The following SLFNL1 variants were observed in gnomAD, a reference collection of about 807,000 sequenced individuals.
SLFNL1 encodes the protein schlafen-like protein 1.
SLFNL1 carries 26 observed loss-of-function variants against 32.5 expected under a neutral mutation model. The ratio of observed to expected loss-of-function variants is 0.80; its 90% CI spans 0.59 to 1.11. The LOEUF (loss-of-function observed/expected upper bound fraction) is 1.11. Among genes scored for constraint, SLFNL1 ranks in the 50% least tolerant of loss-of-function variants. The probability of loss-of-function intolerance (pLI) is 0.00; values close to 1 mark genes in which losing one functional copy is unlikely to be tolerated. For synonymous variants in SLFNL1, 255 were observed against 242.2 expected (o/e 1.05, Z -0.49); for missense variants, 553 against 546.5 (o/e 1.01, Z -0.12).
rs202019276 is a variant in SLFNL1 at position 41,020,642 on chromosome 1, A to T, written c.19T>A (p.Ser7Thr). ...GGCTCTGACACCTGTGTTTGCACTG[A>T]TCTCTTCATGGGGGTCATGGGAAGG... is the stretch of plus-strand genomic sequence containing the variant. MTPMKRSVQTQVSEPFM... is the reference protein window; with the variant it reads MTPMKRTVQTQVSEPFM... Residue 7 changes from serine (S) to threonine (T), a missense_variant, in exon 3 of 6, where the codon TCA becomes ACA. Ser to Thr is a moderately conservative substitution (Grantham distance 58). Coordinates refer to ENST00000302946, the MANE Select transcript of SLFNL1 (RefSeq NM_144990.4). The T allele has an allele frequency of 1.1e-5, 18 of 1,611,204 alleles. No individual in the cohort carries two copies. The African/African-American group carries it at 1.6e-4, about 14-fold the overall frequency.
In SLFNL1 at chr1:41,017,590, A is replaced by G; in HGVS notation, c.957+45T>C. 1 of 1,510,564 alleles carries G rather than the reference A, an allele frequency of 6.6e-7. No homozygotes were observed. The highest frequency in any genetic ancestry group is 8.9e-7 in the Non-Finnish European group (1 of 1,129,914). 93.6% of individuals were successfully genotyped at this position (1,510,564 alleles called of 1,614,324 possible). A position where few individuals can be genotyped will look rare whatever the true frequency, so the allele number is the denominator to read the frequency against. ...GTGCAGGCCATCGTCTTACTGAGTGATGACAGATGACAGGCCCAGAGGCCC... is the reference window on the plus strand; with the variant it reads ...GTGCAGGCCATCGTCTTACTGAGTGGTGACAGATGACAGGCCCAGAGGCCC... On this transcript the variant is annotated intron_variant, in intron 4 of 5. Transcript: ENST00000302946. The surrounding 1 kb of genome is among the most constrained non-coding windows in gnomAD (Gnocchi z 4.9).
At chr1:41,018,828 G>GTTTTTTTTTTT (rs34061852) in intron 3 of SLFNL1, among the ~76,000 whole-genome samples, 1 of 60,644 alleles carries the variant, frequency 1.6e-5, no homozygotes, top group Non-Finnish European at 2.9e-5. Context: ...CAACCCTCCT[G>GTTTTTTTTTTT]TTTTTTTTTT....
In SLFNL1 at chr1:41,020,263, A is replaced by G; in HGVS notation, c.398T>C (p.Leu133Pro). The G allele has an allele frequency of 6.2e-7, 1 of 1,610,506 alleles. No homozygotes were observed. The highest frequency in any genetic ancestry group is 8.5e-7 in the Non-Finnish European group (1 of 1,178,224). The change falls in exon 3 of 6, where the codon CTA becomes CCA. Residue 133 changes from leucine to proline, a missense_variant. Physicochemically the swap from Leu to Pro is moderately conservative, Grantham distance 98. Transcript: ENST00000302946. ...KELAARGKDL[L>P]LSEAQGPFSH... ...GAAGGGCCCTTGGGCCTCACTCAAT[A>G]GCAGGTCCTTCCCACGGGCTGCCAG...
intron 5 of SLFNL1, chr1:41,016,538 T>TG (rs1235602920): frequency 6.1e-6 from 2 of 326,932 alleles, no homozygotes; most frequent in East Asian, 1.5e-4. Flanking sequence ...GACTGTGTCT[T>TG]GCCCCCTCTG....
chr1:41,017,737 C>A lies in SLFNL1; in HGVS notation c.855G>T (p.Val285=), dbSNP rs1016489188. 5.0e-6 allele frequency: 8 copies of A among 1,605,730 alleles called. No homozygotes were observed. Among genetic ancestry groups the A allele is most frequent in the Non-Finnish European group, 6.8e-6 (8 of 1,174,730 alleles). ...HRDEDRARLL[V]DSILQGFKPQ... The stretch of plus-strand genomic sequence containing the variant: ...GCTTGAAGCCCTGCAGGATGGAGTC[C>A]ACCAGCAGGCGTGCGCGGTCCTCGT... Residue 285 remains valine (V), a synonymous_variant, in exon 4 of 6, where the codon GTG becomes GTT. Transcript: ENST00000302946. The surrounding 1 kb of genome is among the most constrained non-coding windows in gnomAD (Gnocchi z 4.9).
rs1265347245 is a variant in SLFNL1 at position 41,017,224 on chromosome 1, G to C, written c.1101+10C>G. ...CGCTCCACCCCACCCACTGGCCTCA[G>C]CTTCCGTACCTGCCTGCACCACTCC... is the stretch of plus-strand genomic sequence containing the variant. On this transcript the variant is annotated intron_variant, in intron 5 of 5. Transcript: ENST00000302946. This position sits in a 1 kb window ranked among gnomAD's most constrained non-coding sequence, Gnocchi z 4.9. 1 of 1,552,124 alleles carries C rather than the reference G, an allele frequency of 6.4e-7. No homozygotes were observed. The highest frequency in any genetic ancestry group is 8.7e-7 in the Non-Finnish European group (1 of 1,152,078).
At position 41,017,217 on chromosome 1, in the gene SLFNL1, G is replaced by C; in HGVS notation, c.1101+17C>G. ...TCAGCTCCGCTCCACCCCACCCACT[G>C]GCCTCAGCTTCCGTACCTGCCTGCA... On this transcript the variant is annotated intron_variant, in intron 5 of 5. Coordinates refer to ENST00000302946, the MANE Select transcript of SLFNL1 (RefSeq NM_144990.4). The surrounding 1 kb of genome is among the most constrained non-coding windows in gnomAD (Gnocchi z 4.9). 1 of 1,544,418 alleles carries C rather than the reference G, an allele frequency of 6.5e-7. No homozygotes were observed.
chr1:41,016,625 C>T (rs1643350367), intron 5 of SLFNL1: 1 of 177,150 alleles, frequency 5.6e-6, no homozygotes. Context: ...TCCAGTCTCT[C>T]TGCTCCCTCA....
At position 41,017,362 on chromosome 1, in the gene SLFNL1, C is replaced by T. The variant is rs753023630; in HGVS notation, c.973G>A (p.Val325Met). Residue 325 changes from valine to methionine, a missense_variant, in exon 5 of 6, where the codon GTG (valine) becomes ATG (methionine). Physicochemically the swap from Val to Met is conservative, Grantham distance 21 (BLOSUM62 1). Transcript: ENST00000302946. This position sits in a 1 kb window ranked among gnomAD's most constrained non-coding sequence, Gnocchi z 4.9. ...TGGCTCTGGGCCTTGGGGGTGTGCA[C>T]GGTCAGGCGGATCACCTTGGTAGGG... ...SVPLKVIRLTVHTPKAQSQPQ... is the reference protein window; with the variant it reads ...SVPLKVIRLTMHTPKAQSQPQ... The T allele has an allele frequency of 1.7e-5, 28 of 1,613,148 alleles. No individual in the cohort carries two copies. Among genetic ancestry groups the T allele is most frequent in the Middle Eastern group, 3.4e-4 (2 of 5,952 alleles).
Position 41,020,446 on chromosome 1 carries a change from T to C in SLFNL1, c.215A>G (p.Glu72Gly). Residue 72 changes from glutamate to glycine, a missense_variant, in exon 3 of 6, where the codon GAG becomes GGG. Coordinates refer to ENST00000302946, the MANE Select transcript of SLFNL1 (RefSeq NM_144990.4). ...CCGCGCCACCGGCATCTCCAGCCGC[T>C]CCAGGGTGTCTCGCAGCAGGCAGGC... The part of the protein sequence containing the change: ...VLACLLRDTL[E>G]RLEMPVAREH... The C allele has an allele frequency of 1.2e-6, 2 of 1,613,268 alleles. No individual in the cohort carries two copies. Among genetic ancestry groups the C allele is most frequent in the South Asian group, 2.2e-5 (2 of 91,082 alleles).
At position 41,020,375 on chromosome 1, in the gene SLFNL1, C is replaced by A. The variant is rs372330365; in HGVS notation, c.286G>T (p.Val96Leu). The A allele has an allele frequency of 6.8e-6, 11 of 1,613,318 alleles. No homozygotes were observed. Among genetic ancestry groups the A allele is most frequent in the African/African-American group, 1.3e-5 (1 of 74,938 alleles). ...GTGTCCCTGTGGACAGTCACCTGCA[C>A]CAGTGCATAGGCCTTCCGCGGCCGC... ...VRRPRKAYAL[V>L]QVTVHRDTLA... is the part of the protein sequence containing the mutation. The change falls in exon 3 of 6, where the codon GTG becomes TTG. Residue 96 changes from valine (V) to leucine (L), a missense_variant. Coordinates refer to ENST00000302946, the MANE Select transcript of SLFNL1 (RefSeq NM_144990.4).
rs772548265 is a variant in SLFNL1, at chr1:41,017,202, T to C, written c.1101+32A>G. 11 of 1,530,880 alleles carry C rather than the reference T, an allele frequency of 7.2e-6. No homozygotes were observed. Among genetic ancestry groups the C allele is most frequent in the African/African-American group, 1.4e-5 (1 of 72,912 alleles). 94.8% of individuals were successfully genotyped at this position (1,530,880 alleles called of 1,614,324 possible). A position where few individuals can be genotyped will look rare whatever the true frequency, so the allele number is the denominator to read the frequency against. On this transcript the variant is annotated intron_variant, in intron 5 of 5. Coordinates refer to ENST00000302946, the MANE Select transcript of SLFNL1 (RefSeq NM_144990.4). This position sits in a 1 kb window ranked among gnomAD's most constrained non-coding sequence, Gnocchi z 4.9. ...TGAAGGGGTCTGGGGTCAGCTCCGC[T>C]CCACCCCACCCACTGGCCTCAGCTT...
rs1244113171 is a variant in SLFNL1, at chr1:41,020,372, G to A, written c.289C>T (p.Gln97Ter). 4 of 1,613,304 alleles carry A rather than the reference G, an allele frequency of 2.5e-6. No individual in the cohort carries two copies. The South Asian group carries it at 4.4e-5, about 18-fold the overall frequency. ...RRPRKAYALV[Q>*]VTVHRDTLAS... ...AGGGTGTCCCTGTGGACAGTCACCT[G>A]CACCAGTGCATAGGCCTTCCGCGGC... The change falls in exon 3 of 6, where the codon CAG (glutamine) becomes TAG (stop). Residue 97 changes from glutamine (Q) to a stop codon, truncating the protein, a stop_gained. Transcript: ENST00000302946. LOFTEE classifies it high-confidence loss of function.
At position 41,017,691 on chromosome 1, in the gene SLFNL1, A is replaced by G. The variant is rs1357127594; in HGVS notation, c.901T>C (p.Tyr301His). The change falls in exon 4 of 6, where the codon TAC becomes CAC. Residue 301 changes from tyrosine (Y) to histidine (H), a missense_variant. Coordinates refer to ENST00000302946, the MANE Select transcript of SLFNL1 (RefSeq NM_144990.4). The surrounding 1 kb of genome is among the most constrained non-coding windows in gnomAD (Gnocchi z 4.9). ...ATCACAGGGATGAAGGTGAGAGTGT[A>G]GGCATCGGGAAAGATCTGAGGCTTG... ...GFKPQIFPDAYTLTFIPVIST... is the reference protein window; with the variant it reads ...GFKPQIFPDAHTLTFIPVIST... 7.6e-6 allele frequency: 12 copies of G among 1,575,380 alleles called. No homozygotes were observed. Among genetic ancestry groups the G allele is most frequent in the Non-Finnish European group, 1.0e-5 (12 of 1,157,310 alleles).
intron 3 of SLFNL1, among the ~76,000 whole-genome samples, chr1:41,019,729 C>T (rs1170904050): frequency 6.6e-6 from 1 of 152,234 alleles, no homozygotes; most frequent in Admixed American, 6.5e-5. Flanking sequence ...GGCAAACCTT[C>T]CTGTCTTCTC....
rs748531825 is a variant in SLFNL1 at position 41,020,346 on chromosome 1, C to T, written c.315G>A (p.Leu105=). ...TCTGCAGGCGCCAGGGGAGGGAGGCCAGGGTGTCCCTGTGGACAGTCACCT... is the reference window on the plus strand; with the variant it reads ...TCTGCAGGCGCCAGGGGAGGGAGGCTAGGGTGTCCCTGTGGACAGTCACCT... ...LVQVTVHRDT[L]ASLPWRLQTA... The change falls in exon 3 of 6, where the codon CTG becomes CTA. Residue 105 remains leucine (L), a synonymous_variant. Transcript: ENST00000302946. The T allele has an allele frequency of 3.1e-6, 5 of 1,613,544 alleles. No individual in the cohort carries two copies. Among genetic ancestry groups the T allele is most frequent in the Middle Eastern group, 1.7e-4 (1 of 6,050 alleles).
In SLFNL1 at chr1:41,017,087, T is replaced by A; in HGVS notation, c.1101+147A>T. On this transcript the variant is annotated intron_variant, in intron 5 of 5. Coordinates refer to ENST00000302946, the MANE Select transcript of SLFNL1 (RefSeq NM_144990.4). This position sits in a 1 kb window ranked among gnomAD's most constrained non-coding sequence, Gnocchi z 4.9. ...CCTACCCGCGGAGTATGGGATGTGG[T>A]GTGATTGTATTCCAACCCCTTGGGT... 1 of 946,514 alleles carries A rather than the reference T, an allele frequency of 1.1e-6. No individual in the cohort carries two copies. Among genetic ancestry groups the A allele is most frequent in the Non-Finnish European group, 1.5e-6 (1 of 659,014 alleles). The allele number at this position is 946,514 out of a possible 1,614,324, so 58.6% of individuals were successfully genotyped here.
chr1:41,016,354 G>A lies in SLFNL1; in HGVS notation c.1102-126C>T. On this transcript the variant is annotated intron_variant, in intron 5 of 5. Transcript: ENST00000302946. ...AGCCTGAGAGCTTTCTCAGCTAGGGGAAAAGTCAGGCCCCTCGGCCTGCTG... is the reference window on the plus strand; with the variant it reads ...AGCCTGAGAGCTTTCTCAGCTAGGGAAAAAGTCAGGCCCCTCGGCCTGCTG... The A allele has an allele frequency of 2.1e-6, 3 of 1,430,182 alleles. No individual in the cohort carries two copies. The East Asian group carries it at 7.2e-5, about 34-fold the overall frequency. 88.6% of individuals were successfully genotyped at this position (1,430,182 alleles called of 1,614,324 possible). A position where few individuals can be genotyped will look rare whatever the true frequency, so the allele number is the denominator to read the frequency against.
At chr1:41,018,453 T>G in intron 3 of SLFNL1, 2 of 352,450 alleles carry the variant, frequency 5.7e-6, no homozygotes, top group Non-Finnish European at 1.0e-5. Flanking sequence ...TTCTCAGGGC[T>G]GGGTGCTGGG....
Sources: gnomAD v4.1 joint callset for allele counts (sites outside exome capture counted in the v4.1 genomes callset) on GRCh38, gnomAD v4.1.1 for gene constraint, Gnocchi (gnomAD v3.1) non-coding constraint, MANE v1.5 for transcripts, NCBI Gene and HGNC (gene_info 2026-07-23, HGNC 2026-07-21) for gene names.